Variants in TNRC6A observed in about 807,000 individuals in gnomAD.
The protein encoded by TNRC6A is trinucleotide repeat-containing gene 6A protein.
TNRC6A carries 44 observed loss-of-function variants against 221.2 expected under a neutral mutation model. The ratio of observed to expected loss-of-function variants is 0.20; its 90% CI spans 0.16 to 0.26. The LOEUF (loss-of-function observed/expected upper bound fraction) is 0.26, where lower values mean the gene tolerates loss of function less well. Ranked by LOEUF, TNRC6A falls within the 10% of genes least tolerant of loss-of-function variation. The probability of loss-of-function intolerance (pLI) is 1.00; values close to 1 mark genes in which losing one functional copy is unlikely to be tolerated. For synonymous variants in TNRC6A, 847 were observed against 838.5 expected, an observed-to-expected ratio of 1.01 and a Z score of -0.18; for missense variants, 2,199 against 2,404.4, an observed-to-expected ratio of 0.91 and a Z score of 1.79.
rs186649682 is a variant in TNRC6A, at chr16:24,627,275, G to A, written n.277-13609G>A. Among the ~76,000 whole-genome samples, 205 of 151,994 alleles carry A rather than the reference G, an allele frequency of 1.3e-3. 1 individual carries two copies. The highest frequency in any genetic ancestry group is 4.3e-3 in the African/African-American group (178 of 41,486). On this transcript the variant is annotated intron_variant and non_coding_transcript_variant, in intron 1 of 2. Transcript: ENST00000566108. ...CCCCTACATCAGCCTCGATTGTTTC[G>A]GAGGCCCTATTAAGAAAGGCTGTGC...
At chr16:24,710,527 A>C (rs923717975) in intron 2 of TNRC6A, among the ~76,000 whole-genome samples, 1 of 152,124 alleles carries the variant, frequency 6.6e-6, no homozygotes, top group African/African-American at 2.4e-5. Flanking sequence ...TTCATCTTTG[A>C]CAGGAGCAGC....
At chr16:24,702,546 A>G (rs1160588854) in intron 2 of TNRC6A, among the ~76,000 whole-genome samples, 1 of 152,128 alleles carries the variant, frequency 6.6e-6, no homozygotes, top group Non-Finnish European at 1.5e-5. Context: ...AGATTGGACC[A>G]TATGAAATTG....
At chr16:24,755,512 C>G (rs543824294) in intron 3 of TNRC6A, among the ~76,000 whole-genome samples, 2 of 152,362 alleles carry the variant, frequency 1.3e-5, no homozygotes, top group South Asian at 4.1e-4. Flanking sequence ...AACCTTACAA[C>G]TCTGAGGTGG....
At chr16:24,779,750 T>G (rs1384919243) in intron 5 of TNRC6A, among the ~76,000 whole-genome samples, 1 of 152,184 alleles carries the variant, frequency 6.6e-6, no homozygotes, top group Non-Finnish European at 1.5e-5. Flanking sequence ...ACACAAACAT[T>G]CTTTGTTGTG....
At chr16:24,715,444 A>T (rs2056294358) in intron 2 of TNRC6A, among the ~76,000 whole-genome samples, 1 of 151,968 alleles carries the variant, frequency 6.6e-6, no homozygotes, top group African/African-American at 2.4e-5. Flanking sequence ...TTGTCCCACC[A>T]CTGATGCAAA....
chr16:24,744,278 G>C (rs2056954896), intron 2 of TNRC6A, among the ~76,000 whole-genome samples: 1 of 152,138 alleles, frequency 6.6e-6, no homozygotes, highest in Non-Finnish European at 1.5e-5. Context: ...GGGTGAGGTG[G>C]TCTCTGTCGG....
intron 2 of TNRC6A, among the ~76,000 whole-genome samples, chr16:24,666,688 T>TATATAC (rs1215764027): frequency 3.5e-5 from 4 of 114,238 alleles, no homozygotes; most frequent in African/African-American, 1.3e-4. Context: ...TATATATATA[T>TATATAC]ACATATGGCA....
intron 11 of TNRC6A, among the ~76,000 whole-genome samples, chr16:24,802,879 T>A (rs531573825): frequency 1.5e-4 from 23 of 152,258 alleles, no homozygotes; most frequent in African/African-American, 5.5e-4. Context: ...TGTCCACTTT[T>A]AAAAGATTTG....
intron 7 of TNRC6A, 65 bp from the exon 8 acceptor site, chr16:24,794,479 T>A: frequency 6.5e-7 from 1 of 1,535,056 alleles, no homozygotes; most frequent in Non-Finnish European, 8.8e-7. Context: ...TAATATATAC[T>A]TATTCTCCAG....
In TNRC6A at chr16:24,791,318, A is replaced by G; in HGVS notation, c.2676A>G (p.Lys892=). The G allele has an allele frequency of 6.2e-7, 1 of 1,608,592 alleles. No homozygotes were observed. Among genetic ancestry groups the G allele is most frequent in the African/African-American group, 1.3e-5 (1 of 74,860 alleles). ...RSVSGWNELG[K]TSSFTWGNNI... is the part of the protein sequence containing the mutation. ...TTTCCGGTTGGAACGAACTTGGTAA[A>G]ACTAGTTCTTTCACTTGGGGAAACA... The change falls in exon 6 of 25, where the codon AAA becomes AAG. Residue 892 remains lysine (K), a synonymous_variant. Transcript: ENST00000395799.
At chr16:24,798,111 T>C (rs2151935560) in intron 11 of TNRC6A, 145 bp downstream of exon 11, 2 of 571,170 alleles carry the variant, frequency 3.5e-6, no homozygotes, top group Non-Finnish European at 6.0e-6. Flanking sequence ...GTTAAATGAG[T>C]GCATGTGCCT....
Position 24,825,186 on chromosome 16 carries a change from T to G in TNRC6A, c.*1379T>G, listed in dbSNP as rs927095140. The G allele has an allele frequency of 4.8e-4, 74 of 152,764 alleles. No homozygotes were observed. The highest frequency in any genetic ancestry group is 1.7e-3 in the African/African-American group (71 of 41,568). 9.5% of individuals were successfully genotyped at this position (152,764 alleles called of 1,614,324 possible). ...CTAACGAGTTACACCATTTTAAACT[T>G]TCTTTCCTCCCCCCTTTTTTTGCCC... On this transcript the variant is annotated 3_prime_UTR_variant, in exon 25 of 25. Transcript: ENST00000395799.
upstream of TNRC6A, among the ~76,000 whole-genome samples, chr16:24,728,141 T>G (rs2056523773): frequency 6.6e-6 from 1 of 152,054 alleles, no homozygotes. Context: ...ACGGGAGAGA[T>G]TCAAGCATGT....
At chr16:24,782,073 C>T (rs903448592) in intron 5 of TNRC6A, among the ~76,000 whole-genome samples, 5 of 152,134 alleles carry the variant, frequency 3.3e-5, no homozygotes, top group Non-Finnish European at 7.3e-5. Context: ...CTGCCCGCCT[C>T]GGCCTCCCAA....
At chr16:24,794,824 C>A in intron 8 of TNRC6A, 105 bp downstream of exon 8, 2 of 1,100,032 alleles carry the variant, frequency 1.8e-6, no homozygotes, top group Non-Finnish European at 2.5e-6. Context: ...CAGTACAGTC[C>A]AGGCAGCCCC....
chr16:24,796,066 A>G (rs1483838946), intron 9 of TNRC6A, 127 bp downstream of exon 9: 5 of 1,008,798 alleles, frequency 5.0e-6, no homozygotes, highest in Non-Finnish European at 7.7e-6. Context: ...ATTCAAATAC[A>G]CTAAGATATG....
chr16:24,717,773 T>TC (rs1567384158), intron 2 of TNRC6A, among the ~76,000 whole-genome samples: 4 of 139,000 alleles, frequency 2.9e-5, no homozygotes, highest in Admixed American at 7.3e-5. Context: ...TTTTTTTCTT[T>TC]TTTTTTTTTT....
chr16:24,794,738 A>G lies in TNRC6A; in HGVS notation c.3528+19A>G. 1.9e-6 allele frequency: 3 copies of G among 1,578,488 alleles called. No homozygotes were observed. The highest frequency in any genetic ancestry group is 2.6e-6 in the Non-Finnish European group (3 of 1,167,312). ...ATCGAAGGTAAACATTTCAAGGGCA[A>G]AGCCCTTGAAACTTTAAATTCCAAA... On this transcript the variant is annotated intron_variant, in intron 8 of 24. Coordinates refer to ENST00000395799, the MANE Select transcript of TNRC6A (RefSeq NM_014494.4).
chr16:24,755,750 G>A (rs1158502634), intron 3 of TNRC6A, among the ~76,000 whole-genome samples: 1 of 152,220 alleles, frequency 6.6e-6, no homozygotes, highest in Non-Finnish European at 1.5e-5. Flanking sequence ...GCTGTCTTCA[G>A]TAATGAAGGA....
Sources: gnomAD v4.1 joint callset for allele counts (sites outside exome capture counted in the v4.1 genomes callset) on GRCh38, gnomAD v4.1.1 for gene constraint, MANE v1.5 for transcripts, NCBI Gene and HGNC (gene_info 2026-07-23, HGNC 2026-07-21) for gene names.